OTULINL: variants seen among roughly 807,000 people sequenced by gnomAD.
The protein encoded by OTULINL is inactive ubiquitin thioesterase OTULINL.
A neutral mutation model predicts 43.9 loss-of-function variants in OTULINL; 42 were observed. The observed-to-expected ratio is 0.96, with a 90% CI of 0.75 to 1.24. The LOEUF (loss-of-function observed/expected upper bound fraction) is 1.24. Among genes scored for constraint, OTULINL ranks in the 50% most tolerant of loss-of-function variants. The pLI, the probability that OTULINL is intolerant of heterozygous loss-of-function variation, is 0.00. For synonymous variants in OTULINL, 172 were observed against 153.6 expected (o/e 1.12, Z -0.88); for missense variants, 411 against 426.4 (o/e 0.96, Z 0.32).
At chr5:14,597,751 A>G (rs938101307) in intron 1 of OTULINL, among the ~76,000 whole-genome samples, 2 of 151,860 alleles carry the variant, frequency 1.3e-5, no homozygotes, top group African/African-American at 4.8e-5. Flanking sequence ...CCTTCCATCC[A>G]CCTCCAGATG....
rs1051706341 is a variant in OTULINL at position 14,581,801 on chromosome 5, A to G, written c.-94A>G. The G allele has an allele frequency of 2.9e-6, 3 of 1,030,446 alleles. No individual in the cohort carries two copies. The highest frequency in any genetic ancestry group is 4.4e-5 in the Admixed American group (1 of 22,598). 63.8% of individuals were successfully genotyped at this position (1,030,446 alleles called of 1,614,324 possible). A position where few individuals can be genotyped will look rare whatever the true frequency, so the allele number is the denominator to read the frequency against. On this transcript the variant is annotated 5_prime_UTR_variant, in exon 1 of 8. Coordinates refer to ENST00000274217, the MANE Select transcript of OTULINL (RefSeq NM_019018.3). ...CCGCCCTCCCCAGCCCGCCTCAGGG[A>G]AGCGAGCCCGGGCGCCGGCGGGCGG...
chr5:14,603,981 T>C (rs76481888), intron 5 of OTULINL, among the ~76,000 whole-genome samples: 2,399 of 152,294 alleles, frequency 0.016, 76 homozygotes, highest in African/African-American at 0.055. Context: ...AGCAAATGCT[T>C]GTCAAATATA....
Position 14,586,875 on chromosome 5 carries a change from C to CAA in OTULINL, c.64+4929_64+4930dup, listed in dbSNP as rs768331767. On this transcript the variant is annotated intron_variant, in intron 1 of 7. Transcript: ENST00000274217. ...ATTAAACATCAAGCGTTCACTGTTT[C>CAA]AAAAAAAAAAAAAGAAGCATACCTC... Among the ~76,000 whole-genome samples, 104 of 138,556 alleles carry CAA rather than the reference C, an allele frequency of 7.5e-4. No individual in the cohort carries two copies. In the South Asian group the frequency reaches 7.8e-3, roughly 10 times the overall value. The allele number at this position is 138,556 out of a possible 152,430, so 90.9% of individuals were successfully genotyped here.
chr5:14,600,638 G>A (rs1759367679), intron 1 of OTULINL, among the ~76,000 whole-genome samples: 1 of 152,234 alleles, frequency 6.6e-6, no homozygotes, highest in Admixed American at 6.5e-5. Context: ...GAGGAGTTAG[G>A]TTGCCATAGT....
intron 1 of OTULINL, among the ~76,000 whole-genome samples, chr5:14,582,618 A>T (rs1328334571): frequency 6.6e-6 from 1 of 151,890 alleles, no homozygotes; most frequent in Non-Finnish European, 1.5e-5. Flanking sequence ...GCATAGCGAA[A>T]CCCTGGCCAG....
At chr5:14,590,370 G>C (rs921686220) in intron 1 of OTULINL, among the ~76,000 whole-genome samples, 1 of 152,180 alleles carries the variant, frequency 6.6e-6, no homozygotes, top group Non-Finnish European at 1.5e-5. Context: ...ATGGAATGCA[G>C]ATTATGTTTC....
Position 14,613,073 on chromosome 5 carries a change from C to G in OTULINL, c.*2759C>G, listed in dbSNP as rs1345155698. The stretch of plus-strand genomic sequence containing the variant: ...GAGTAGCCGGGATTACAGGTGCCCA[C>G]CACTACGCTCGACTAATTTTTTGTG... On this transcript the variant is annotated 3_prime_UTR_variant, in exon 8 of 8. Transcript: ENST00000274217. 6.6e-6 allele frequency among the ~76,000 whole-genome samples: 1 copy of G among 152,150 alleles called. No homozygotes were observed. Among genetic ancestry groups the G allele is most frequent in the Non-Finnish European group, 1.5e-5 (1 of 68,026 alleles).
chr5:14,600,879 ATC>A (rs899550596), intron 1 of OTULINL, 84 bp from the exon 2 acceptor site: 20 of 762,492 alleles, frequency 2.6e-5, no homozygotes, highest in South Asian at 9.8e-5. Flanking sequence ...AAATTATGCA[ATC>A]TCTCTCTGCA....
At chr5:14,587,569 A>C (rs548971027) in intron 1 of OTULINL, among the ~76,000 whole-genome samples, 2 of 152,320 alleles carry the variant, frequency 1.3e-5, no homozygotes, top group East Asian at 3.9e-4. Flanking sequence ...ATTAATATAC[A>C]TGTTGGGTCC....
chr5:14,609,915 G>A (rs1190470493), intron 7 of OTULINL, among the ~76,000 whole-genome samples: 1 of 152,162 alleles, frequency 6.6e-6, no homozygotes, highest in African/African-American at 2.4e-5. Flanking sequence ...ACCGCGCCTG[G>A]CCGTGATTTT....
At chr5:14,609,655 G>A (rs1306622367) in intron 7 of OTULINL, among the ~76,000 whole-genome samples, 1 of 126,942 alleles carries the variant, frequency 7.9e-6, no homozygotes, top group Non-Finnish European at 1.6e-5. Context: ...TTTTGAGACG[G>A]AGTCTCGTTC....
At position 14,583,116 on chromosome 5, in the gene OTULINL, A is replaced by G. The variant is rs567070765; in HGVS notation, c.64+1158A>G. 1.1e-4 allele frequency among the ~76,000 whole-genome samples: 17 copies of G among 152,316 alleles called. No individual in the cohort carries two copies. In the East Asian group the frequency reaches 1.2e-3, roughly 10 times the overall value. On this transcript the variant is annotated intron_variant, in intron 1 of 7. Coordinates refer to ENST00000274217, the MANE Select transcript of OTULINL (RefSeq NM_019018.3). ...TGGCAGGTGCGGGGATTGTTTATGA[A>G]TTGCTGTTTTTGGTCCCAGCTTGAG...
intron 1 of OTULINL, among the ~76,000 whole-genome samples, chr5:14,590,120 T>G (rs375172831): frequency 6.6e-6 from 1 of 152,286 alleles, no homozygotes. Flanking sequence ...ACTTGACCAG[T>G]AAGATTTTTC....
chr5:14,587,270 T>C (rs1759115675), intron 1 of OTULINL, among the ~76,000 whole-genome samples: 1 of 152,334 alleles, frequency 6.6e-6, no homozygotes, highest in East Asian at 1.9e-4. Flanking sequence ...TAAGAAAGAC[T>C]GGGTGCTGTG....
At position 14,613,877 on chromosome 5, in the gene OTULINL, AT is replaced by A. The variant is rs1223917082; in HGVS notation, c.*3565del. 1.3e-5 allele frequency among the ~76,000 whole-genome samples: 2 copies of A among 152,164 alleles called. No homozygotes were observed. Among genetic ancestry groups the A allele is most frequent in the African/African-American group, 4.8e-5 (2 of 41,442 alleles). On this transcript the variant is annotated 3_prime_UTR_variant, in exon 8 of 8. Coordinates refer to ENST00000274217, the MANE Select transcript of OTULINL (RefSeq NM_019018.3). ...TCCCAGGACTTTTCTGCAAATGGGTATTGGATGGAAATATTTGTTCTCAGTC... is the reference window on the plus strand; with the variant it reads ...TCCCAGGACTTTTCTGCAAATGGGTATGGATGGAAATATTTGTTCTCAGTC...
At position 14,608,786 on chromosome 5, in the gene OTULINL, AG is replaced by A. The variant is rs1356810742; in HGVS notation, c.668del (p.Gly223GlufsTer21). The A allele has an allele frequency of 3.7e-6, 6 of 1,612,146 alleles. No individual in the cohort carries two copies. The highest frequency in any genetic ancestry group is 4.2e-6 in the Non-Finnish European group (5 of 1,178,424). ...ATGGCATTAGAGATTATCACAAGAG[AG>A]GAAGTATGTGCAACACCCTTTTTTC... ...FNGIRDYHKRGSMCNTLFSDA... is the reference protein window; with the variant it reads ...FNGIRDYHKRXSMCNTLFSDA... On this transcript the variant is annotated frameshift_variant, in exon 7 of 8. Transcript: ENST00000274217. LOFTEE classifies it high-confidence loss of function.
intron 1 of OTULINL, among the ~76,000 whole-genome samples, chr5:14,598,409 G>T (rs1400177639): frequency 6.6e-6 from 1 of 152,218 alleles, no homozygotes; most frequent in African/African-American, 2.4e-5. Flanking sequence ...AGGTGCTCTC[G>T]TGTATGTGAT....
chr5:14,611,908 T>C lies in OTULINL; in HGVS notation c.*1594T>C, dbSNP rs1179464846. On this transcript the variant is annotated 3_prime_UTR_variant, in exon 8 of 8. Coordinates refer to ENST00000274217, the MANE Select transcript of OTULINL (RefSeq NM_019018.3). Reference sequence around the variant, plus strand: ...AATTAAAAGGGAGTGTGTCAAATGCTGTCATGTCTGAAATTAGCATTCATA... The same window carrying C: ...AATTAAAAGGGAGTGTGTCAAATGCCGTCATGTCTGAAATTAGCATTCATA... 6.6e-6 allele frequency: 1 copy of C among 152,238 alleles called. No homozygotes were observed. Among genetic ancestry groups the C allele is most frequent in the African/African-American group, 2.4e-5 (1 of 41,466 alleles). 9.4% of individuals were successfully genotyped at this position (152,238 alleles called of 1,614,324 possible). A position where few individuals can be genotyped will look rare whatever the true frequency, so the allele number is the denominator to read the frequency against.
chr5:14,607,288 G>C lies in OTULINL; in HGVS notation c.499-42G>C. 4 of 1,602,670 alleles carry C rather than the reference G, an allele frequency of 2.5e-6. No individual in the cohort carries two copies. In the South Asian group the frequency reaches 4.5e-5, roughly 18 times the overall value. ...ATACAGCAAATTGTGTGTAATAAAC[G>C]TTCATATGCTAATCATAGTTGGCAT... On this transcript the variant is annotated intron_variant, in intron 5 of 7. Coordinates refer to ENST00000274217, the MANE Select transcript of OTULINL (RefSeq NM_019018.3).
Sources: allele counts gnomAD v4.1 joint callset (sites outside exome capture counted in the v4.1 genomes callset), GRCh38; gene constraint gnomAD v4.1.1; transcripts MANE v1.5; gene names NCBI Gene and HGNC (gene_info 2026-07-23, HGNC 2026-07-21).